The following BBS9 variants were observed in gnomAD, a reference collection of about 807,000 sequenced individuals.
BBS9 encodes protein PTHB1.
BBS9 carries 89 observed loss-of-function variants against 117.7 expected under a neutral mutation model. The ratio of observed to expected loss-of-function variants is 0.76; its 90% confidence interval spans 0.64 to 0.90. BBS9 has a LOEUF of 0.90. Ranked by LOEUF, BBS9 falls within the 40% of genes least tolerant of loss-of-function variation. The probability of loss-of-function intolerance (pLI) is 0.00; values close to 1 mark genes in which losing one functional copy is unlikely to be tolerated. For missense variants in BBS9, 982 were observed against 1,042.2 expected (o/e 0.94, Z 0.80); for synonymous variants, 379 against 370.9 (o/e 1.02, Z -0.25).
Position 33,570,134 on chromosome 7 carries a change from G to A in BBS9, c.2522-34731G>A, listed in dbSNP as rs573378385. ...TTTGCATTAAATATAAATAGTAATA[G>A]CACCTTCTTCTACGTGACAGAAGAT... On this transcript the variant is annotated intron_variant, in intron 21 of 22. Transcript: ENST00000242067. 3.3e-5 allele frequency among the ~76,000 whole-genome samples: 5 copies of A among 152,114 alleles called. No homozygotes were observed. The South Asian group carries it at 6.2e-4, about 19-fold the overall frequency.
At chr7:33,201,714 G>A (rs1785896816) in intron 5 of BBS9, among the ~76,000 whole-genome samples, 1 of 150,346 alleles carries the variant, frequency 6.7e-6, no homozygotes, top group Non-Finnish European at 1.5e-5. Flanking sequence ...GTTGTTTGGG[G>A]GCATTTTTTT....
At chr7:33,288,321 A>G (rs939464111) in intron 9 of BBS9, among the ~76,000 whole-genome samples, 1 of 152,128 alleles carries the variant, frequency 6.6e-6, no homozygotes, top group South Asian at 2.1e-4. Flanking sequence ...TGTCCACACT[A>G]CTTAATTCTC....
At chr7:33,346,225 A>G (rs772828523) in intron 12 of BBS9, 2 of 468,938 alleles carry the variant, frequency 4.3e-6, no homozygotes, top group Middle Eastern at 3.3e-4. Context: ...TTATAACAAC[A>G]GCAGCCAAGA....
chr7:33,245,180 A>T (rs943483890), intron 5 of BBS9, among the ~76,000 whole-genome samples: 1 of 151,652 alleles, frequency 6.6e-6, no homozygotes, highest in African/African-American at 2.4e-5. Flanking sequence ...TGGTTGAATG[A>T]TTTTTCTCCT....
intron 21 of BBS9, among the ~76,000 whole-genome samples, chr7:33,611,589 A>G (rs900290449): frequency 4.3e-5 from 5 of 115,494 alleles, no homozygotes; most frequent in African/African-American, 1.8e-4. Context: ...TATATATTAT[A>G]TAATAATATT....
intron 17 of BBS9, among the ~76,000 whole-genome samples, chr7:33,370,296 T>TAA (rs199639207): frequency 9.1e-5 from 13 of 142,330 alleles, no homozygotes; most frequent in African/African-American, 1.0e-4. Context: ...AGTCCCTATT[T>TAA]AAAAAAAAAA....
chr7:33,417,879 G>A (rs567023093), intron 19 of BBS9, among the ~76,000 whole-genome samples: 1 of 152,270 alleles, frequency 6.6e-6, no homozygotes, highest in South Asian at 2.1e-4. Flanking sequence ...GGTTTCTACT[G>A]ACTTGCTACG....
At chr7:33,282,254 T>C (rs932213927) in intron 9 of BBS9, among the ~76,000 whole-genome samples, 1 of 152,296 alleles carries the variant, frequency 6.6e-6, no homozygotes, top group Middle Eastern at 3.4e-3. Flanking sequence ...GTTACATGAG[T>C]CTTATCAAAT....
chr7:33,288,449 G>T (rs1803337004), intron 9 of BBS9, among the ~76,000 whole-genome samples: 6 of 152,040 alleles, frequency 3.9e-5, no homozygotes, highest in Admixed American at 3.9e-4. Context: ...ATGTTATTCT[G>T]GGAATTCGTT....
intron 19 of BBS9, among the ~76,000 whole-genome samples, chr7:33,467,855 G>A: frequency 6.6e-6 from 1 of 152,138 alleles, no homozygotes; most frequent in Non-Finnish European, 1.5e-5. Flanking sequence ...TTTTGTTCAT[G>A]TGGGGGAGGA....
intron 19 of BBS9, among the ~76,000 whole-genome samples, chr7:33,407,775 G>T (rs1330535299): frequency 1.3e-5 from 2 of 152,230 alleles, no homozygotes; most frequent in Non-Finnish European, 2.9e-5. Flanking sequence ...CAATGCTGCT[G>T]TCTGACTGTT....
intron 21 of BBS9, among the ~76,000 whole-genome samples, chr7:33,617,195 TAATG>T (rs1308450823): frequency 6.6e-6 from 1 of 152,084 alleles, no homozygotes. Flanking sequence ...TACATTGTCT[TAATG>T]AATCAAAAAA....
At chr7:33,538,959 T>G (rs1851868760) in intron 21 of BBS9, among the ~76,000 whole-genome samples, 1 of 152,184 alleles carries the variant, frequency 6.6e-6, no homozygotes, top group Non-Finnish European at 1.5e-5. Flanking sequence ...TCACTATAGA[T>G]TTGTTGGCCA....
chr7:33,208,789 G>A (rs1421632841), intron 5 of BBS9, among the ~76,000 whole-genome samples: 1 of 115,372 alleles, frequency 8.7e-6, no homozygotes, highest in Non-Finnish European at 1.8e-5. Flanking sequence ...TCTGAATTCA[G>A]GAAAATTCTG....
At chr7:33,378,929 T>A (rs1266314088) in intron 17 of BBS9, among the ~76,000 whole-genome samples, 1 of 152,150 alleles carries the variant, frequency 6.6e-6, no homozygotes, top group Non-Finnish European at 1.5e-5. Context: ...CATGTCCATG[T>A]TTTTTCCCCA....
At chr7:33,307,940 C>A (rs1411039190) in intron 9 of BBS9, among the ~76,000 whole-genome samples, 1 of 152,108 alleles carries the variant, frequency 6.6e-6, no homozygotes, top group East Asian at 1.9e-4. Flanking sequence ...AAGTGCAGTT[C>A]TAACACAAAC....
chr7:33,616,491 G>GTATATATATATATATATATATATATA lies in BBS9; in HGVS notation c.2522-18685_2522-18684insATATATATATATATATATATATATAT, dbSNP rs1255562311. 1.7e-4 allele frequency among the ~76,000 whole-genome samples: 24 copies of GTATATATATATATATATATATATATA among 138,732 alleles called. No individual in the cohort carries two copies. The East Asian group carries it at 1.9e-3, about 11-fold the overall frequency. The allele number at this position is 138,732 out of a possible 152,430, so 91.0% of individuals were successfully genotyped here. A position where few individuals can be genotyped will look rare whatever the true frequency, so the allele number is the denominator to read the frequency against. ...CTTTATATAATATATGTGTGTGTGT[G>GTATATATATATATATATATATATATA]TGTATATATATATATATATATATAT... On this transcript the variant is annotated intron_variant, in intron 21 of 21. Coordinates refer to the BBS9 transcript ENST00000671952.
chr7:33,470,508 A>G (rs1052312874), intron 19 of BBS9, among the ~76,000 whole-genome samples: 5 of 152,074 alleles, frequency 3.3e-5, no homozygotes, highest in Admixed American at 6.6e-5. Flanking sequence ...CTTGTAGATT[A>G]TCCTCCAATT....
At chr7:33,415,985 C>T (rs188101018) in intron 19 of BBS9, among the ~76,000 whole-genome samples, 20 of 152,086 alleles carry the variant, frequency 1.3e-4, no homozygotes, top group African/African-American at 3.9e-4. Context: ...AGGTGCATCC[C>T]ACCACATCTG....
Sources: allele counts gnomAD v4.1 joint callset (sites outside exome capture counted in the v4.1 genomes callset), GRCh38; gene constraint gnomAD v4.1.1; transcripts MANE v1.5; gene names NCBI Gene and HGNC (gene_info 2026-07-23, HGNC 2026-07-21).